PTPRD: variants seen among roughly 807,000 people sequenced by gnomAD.
PTPRD encodes receptor-type tyrosine-protein phosphatase delta.
In PTPRD, 34 loss-of-function variants were observed where a neutral mutation model predicts 214.5. The observed-to-expected ratio is 0.16, with a 90% CI of 0.12 to 0.21. PTPRD has a LOEUF of 0.21. Among genes scored for constraint, PTPRD ranks in the 10% least tolerant of loss-of-function variants. The pLI is 1.00. For synonymous variants in PTPRD, 1,128 were observed against 845.7 expected, an observed-to-expected ratio of 1.33 and a Z score of -5.79; for missense variants, 2,545 against 2,398.7, an observed-to-expected ratio of 1.06 and a Z score of -1.27.
chr9:9,427,914 A>C (rs1409258761), intron 8 of PTPRD, among the ~76,000 whole-genome samples: 1 of 152,236 alleles, frequency 6.6e-6, no homozygotes, highest in African/African-American at 2.4e-5. Context: ...TGAAAGAAGC[A>C]CTAAACGTGG....
intron 5 of PTPRD, among the ~76,000 whole-genome samples, chr9:9,930,002 A>G (rs2085845085): frequency 6.6e-6 from 1 of 152,214 alleles, no homozygotes; most frequent in Non-Finnish European, 1.5e-5. Context: ...CTAGTTCAGG[A>G]GTCAGATACT....
intron 11 of PTPRD, among the ~76,000 whole-genome samples, chr9:9,009,366 A>T (rs1421056988): frequency 6.6e-6 from 1 of 152,080 alleles, no homozygotes; most frequent in African/African-American, 2.4e-5. Flanking sequence ...TCACAATCCT[A>T]AAGGTAGTGT....
At chr9:10,604,757 T>C (rs1008752583) in intron 2 of PTPRD, among the ~76,000 whole-genome samples, 1 of 151,906 alleles carries the variant, frequency 6.6e-6, no homozygotes, top group South Asian at 2.1e-4. Flanking sequence ...ACAGGTACCA[T>C]AGATAAGTGT....
At chr9:9,080,207 C>T (rs1591244406) in intron 10 of PTPRD, among the ~76,000 whole-genome samples, 1 of 152,012 alleles carries the variant, frequency 6.6e-6, no homozygotes, top group Non-Finnish European at 1.5e-5. Flanking sequence ...AGAGTTTATA[C>T]AACTTATCCA....
intron 14 of PTPRD, among the ~76,000 whole-genome samples, chr9:8,561,602 G>A (rs1472117385): frequency 1.3e-5 from 2 of 152,186 alleles, no homozygotes; most frequent in Non-Finnish European, 2.9e-5. Context: ...AGCAAGGTGG[G>A]GGTGAGGGGG....
At chr9:9,651,774 G>A (rs2096359218) in intron 7 of PTPRD, among the ~76,000 whole-genome samples, 1 of 149,784 alleles carries the variant, frequency 6.7e-6, no homozygotes, top group African/African-American at 2.5e-5. Flanking sequence ...GGGATTGCTG[G>A]GTCAAATGAT....
intron 21 of PTPRD, among the ~76,000 whole-genome samples, chr9:8,514,826 A>C (rs576357786): frequency 2.6e-5 from 4 of 152,228 alleles, no homozygotes; most frequent in African/African-American, 9.6e-5. Flanking sequence ...CCATGTGTCA[A>C]AGAAGGGACC....
At chr9:9,602,892 A>T (rs1009680082) in intron 7 of PTPRD, among the ~76,000 whole-genome samples, 1 of 152,174 alleles carries the variant, frequency 6.6e-6, no homozygotes, top group African/African-American at 2.4e-5. Flanking sequence ...ATATTATAAA[A>T]TTCTAAATAA....
intron 2 of PTPRD, among the ~76,000 whole-genome samples, chr9:10,572,449 G>A (rs1003676626): frequency 6.6e-6 from 1 of 152,112 alleles, no homozygotes; most frequent in Admixed American, 6.5e-5. Flanking sequence ...TTTGAAGAAA[G>A]TGATTTGACC....
At chr9:9,724,320 T>A (rs184993203) in intron 7 of PTPRD, among the ~76,000 whole-genome samples, 45 of 152,294 alleles carry the variant, frequency 3.0e-4, no homozygotes, top group Admixed American at 7.9e-4. Context: ...AACATCACAG[T>A]TACAGATTAA....
intron 11 of PTPRD, among the ~76,000 whole-genome samples, chr9:8,936,459 A>C (rs2098998574): frequency 6.7e-6 from 1 of 149,424 alleles, no homozygotes; most frequent in Non-Finnish European, 1.5e-5. Flanking sequence ...AAGAAGATGA[A>C]AAATAACTTC....
intron 8 of PTPRD, among the ~76,000 whole-genome samples, chr9:9,463,890 C>G (rs1362513227): frequency 6.6e-6 from 1 of 152,094 alleles, no homozygotes; most frequent in East Asian, 1.9e-4. Flanking sequence ...CAAATAGTAT[C>G]AAGGAACTGA....
intron 5 of PTPRD, among the ~76,000 whole-genome samples, chr9:9,928,757 T>TACACACACACACACACACAC (rs60820386): frequency 0.01 from 1,512 of 147,162 alleles, 25 homozygotes; most frequent in African/African-American, 0.028. Flanking sequence ...TCTCTCTCTA[T>TACACACACACACACACACAC]ACACACACAC....
intron 9 of PTPRD, among the ~76,000 whole-genome samples, chr9:9,231,514 T>G (rs2099963099): frequency 6.6e-6 from 1 of 152,158 alleles, no homozygotes. Context: ...TGAGTACCAT[T>G]AAAGTAGTAA....
chr9:9,506,551 G>A (rs1298059941), intron 8 of PTPRD, among the ~76,000 whole-genome samples: 1 of 151,312 alleles, frequency 6.6e-6, no homozygotes, highest in Non-Finnish European at 1.5e-5. Flanking sequence ...TTTAAATAAT[G>A]TCTAGAAGAT....
At chr9:10,138,509 T>C (rs926448490) in intron 3 of PTPRD, among the ~76,000 whole-genome samples, 2 of 152,058 alleles carry the variant, frequency 1.3e-5, no homozygotes. Flanking sequence ...CTGGTACCAA[T>C]CCTACTGAAA....
chr9:10,156,052 C>G (rs900597683), intron 3 of PTPRD, among the ~76,000 whole-genome samples: 1 of 148,714 alleles, frequency 6.7e-6, no homozygotes, highest in East Asian at 2.0e-4. Context: ...AAAAACAACT[C>G]ATGGATTTTT....
chr9:9,822,182 G>A (rs946084482), intron 5 of PTPRD, among the ~76,000 whole-genome samples: 1 of 150,552 alleles, frequency 6.6e-6, no homozygotes, highest in Non-Finnish European at 1.5e-5. Flanking sequence ...GGAGGCTGAG[G>A]TGGGTGGATC....
intron 33 of PTPRD, chr9:8,451,945 G>T: frequency 2.1e-6 from 1 of 480,020 alleles, no homozygotes. Context: ...TGTGGCTGGG[G>T]TGAGTGACAC....
Sources: allele counts gnomAD v4.1 joint callset (sites outside exome capture counted in the v4.1 genomes callset), GRCh38; gene constraint gnomAD v4.1.1; transcripts MANE v1.5; gene names NCBI Gene and HGNC (gene_info 2026-07-23, HGNC 2026-07-21).